TSHZ2: variants seen among roughly 807,000 people sequenced by gnomAD.
TSHZ2 encodes the protein teashirt zinc finger homeobox 2, also known as teashirt homolog 2.
In TSHZ2, 21 loss-of-function variants were observed where a neutral mutation model predicts 74.4. The ratio of observed to expected loss-of-function variants is 0.28; its 90% confidence interval spans 0.20 to 0.41. TSHZ2 has a LOEUF of 0.41. Among genes scored for constraint, TSHZ2 ranks in the 10% least tolerant of loss-of-function variants. The pLI is 1.00. For synonymous variants in TSHZ2, 540 were observed against 515.3 expected, an observed-to-expected ratio of 1.05 and a Z score of -0.65; for missense variants, 1,244 against 1,293.5, an observed-to-expected ratio of 0.96 and a Z score of 0.59.
chr20:53,372,942 A>G (rs193253996), intron 2 of TSHZ2, among the ~76,000 whole-genome samples: 1 of 152,336 alleles, frequency 6.6e-6, no homozygotes, highest in Admixed American at 6.5e-5. Flanking sequence ...AAGGACTTCA[A>G]GAAAACTGCC....
At chr20:53,422,157 A>G (rs1385558820) in intron 2 of TSHZ2, among the ~76,000 whole-genome samples, 1 of 152,174 alleles carries the variant, frequency 6.6e-6, no homozygotes, top group Non-Finnish European at 1.5e-5. Context: ...GGTTATGATT[A>G]TGAAATAATA....
At chr20:53,167,595 G>A (rs1988092909) in intron 1 of TSHZ2, among the ~76,000 whole-genome samples, 1 of 152,106 alleles carries the variant, frequency 6.6e-6, no homozygotes, top group African/African-American at 2.4e-5. Context: ...TTGTGTGTGT[G>A]TATGTGTGTG....
At chr20:53,414,320 A>T (rs535972837) in intron 2 of TSHZ2, among the ~76,000 whole-genome samples, 1 of 151,960 alleles carries the variant, frequency 6.6e-6, no homozygotes, top group African/African-American at 2.4e-5. Flanking sequence ...CTTTTATTTA[A>T]AAGAATAAGC....
intron 1 of TSHZ2, among the ~76,000 whole-genome samples, chr20:52,991,189 C>T (rs932863907): frequency 7.0e-6 from 1 of 143,598 alleles, no homozygotes; most frequent in Admixed American, 7.1e-5. Flanking sequence ...AGTGTGAAAG[C>T]TTTTCTGATG....
chr20:53,204,520 T>C (rs1464531524), intron 1 of TSHZ2, among the ~76,000 whole-genome samples: 2 of 152,068 alleles, frequency 1.3e-5, no homozygotes, highest in Admixed American at 6.6e-5. Context: ...CATTCTTTAA[T>C]GTGACTACTG....
At chr20:53,310,056 T>A (rs1303758706) in intron 2 of TSHZ2, among the ~76,000 whole-genome samples, 1 of 152,238 alleles carries the variant, frequency 6.6e-6, no homozygotes, top group East Asian at 1.9e-4. Flanking sequence ...ATGTTTTTTC[T>A]CCACCTGGAA....
At chr20:53,344,304 T>G (rs6126814) in intron 2 of TSHZ2, among the ~76,000 whole-genome samples, 1 of 152,134 alleles carries the variant, frequency 6.6e-6, no homozygotes, top group Non-Finnish European at 1.5e-5. Flanking sequence ...TTTGCTTGTA[T>G]TTTCTCAATT....
rs2747396 is a variant in TSHZ2 at position 53,077,396 on chromosome 20, G to A, written c.40+104063G>A. Among the ~76,000 whole-genome samples the A allele has an allele frequency of 9.6e-5, 13 of 135,054 alleles. 1 individual carries two copies. Among genetic ancestry groups the A allele is most frequent in the Non-Finnish European group, 1.5e-4 (10 of 64,672 alleles). The allele number at this position is 135,054 out of a possible 152,430, so 88.6% of individuals were successfully genotyped here. ...ACTGCACTGCAGCCAGGATGACAGAGTAAGACTCTACCTCAAAAAAAAAAA... is the reference window on the plus strand; with the variant it reads ...ACTGCACTGCAGCCAGGATGACAGAATAAGACTCTACCTCAAAAAAAAAAA... On this transcript the variant is annotated intron_variant, in intron 1 of 2. Transcript: ENST00000371497.
intron 2 of TSHZ2, among the ~76,000 whole-genome samples, chr20:53,356,955 ATGTG>A (rs1237378778): frequency 6.6e-6 from 1 of 151,976 alleles, no homozygotes; most frequent in Admixed American, 6.6e-5. Context: ...GTGTGTGTGA[ATGTG>A]TGTGTGCGCA....
At chr20:53,234,967 T>C (rs1336963391) in intron 1 of TSHZ2, among the ~76,000 whole-genome samples, 1 of 151,950 alleles carries the variant, frequency 6.6e-6, no homozygotes, top group Non-Finnish European at 1.5e-5. Flanking sequence ...GCCACAAGGA[T>C]GGGATCAATT....
intron 2 of TSHZ2, among the ~76,000 whole-genome samples, chr20:53,323,252 G>C (rs1355931169): frequency 6.6e-6 from 1 of 152,200 alleles, no homozygotes; most frequent in Non-Finnish European, 1.5e-5. Flanking sequence ...CTGAGAGCCA[G>C]AGGCTGGCAC....
chr20:53,243,822 C>CTTTTTTTTTTTTTTT (rs5841936), intron 1 of TSHZ2, among the ~76,000 whole-genome samples: 1 of 145,700 alleles, frequency 6.9e-6, no homozygotes, highest in Non-Finnish European at 1.5e-5. Context: ...TGCTTGCTTG[C>CTTTTTTTTTTTTTTT]TTTTTTTTTT....
chr20:53,451,591 C>T (rs1984786036), intron 2 of TSHZ2, among the ~76,000 whole-genome samples: 1 of 152,188 alleles, frequency 6.6e-6, no homozygotes, highest in South Asian at 2.1e-4. Context: ...TCCAACACTT[C>T]AGATCCTGCC....
At chr20:53,262,972 G>A (rs1264736580) in intron 2 of TSHZ2, among the ~76,000 whole-genome samples, 2 of 152,278 alleles carry the variant, frequency 1.3e-5, no homozygotes, top group South Asian at 2.1e-4. Flanking sequence ...AAGTTCTGGA[G>A]TATATGGAAA....
intron 2 of TSHZ2, among the ~76,000 whole-genome samples, chr20:53,328,124 C>T (rs1274207602): frequency 6.6e-6 from 1 of 152,088 alleles, no homozygotes; most frequent in Non-Finnish European, 1.5e-5. Context: ...ATGGTGCTCA[C>T]CCTTAGAGTC....
chr20:53,117,438 A>C (rs1429926744), intron 1 of TSHZ2, among the ~76,000 whole-genome samples: 2 of 152,244 alleles, frequency 1.3e-5, no homozygotes, highest in Non-Finnish European at 2.9e-5. Flanking sequence ...AAGAGACAAA[A>C]GTACCTGCCC....
intron 1 of TSHZ2, among the ~76,000 whole-genome samples, chr20:53,069,957 A>G (rs573162467): frequency 1.0e-3 from 157 of 152,286 alleles, no homozygotes; most frequent in African/African-American, 3.6e-3. Context: ...CTATCCATCT[A>G]TGTATTGTTT....
intron 2 of TSHZ2, among the ~76,000 whole-genome samples, chr20:53,287,547 G>A (rs1991192121): frequency 6.6e-6 from 1 of 152,220 alleles, no homozygotes; most frequent in Non-Finnish European, 1.5e-5. Flanking sequence ...ATCCCACAGA[G>A]TGAGCAGCTG....
chr20:53,122,797 T>C (rs536267877), intron 1 of TSHZ2, among the ~76,000 whole-genome samples: 2 of 152,274 alleles, frequency 1.3e-5, no homozygotes, highest in Non-Finnish European at 2.9e-5. Context: ...TTTCTCCTCC[T>C]CCCAGCCAAA....
Sources: allele counts gnomAD v4.1 joint callset (sites outside exome capture counted in the v4.1 genomes callset), GRCh38; gene constraint gnomAD v4.1.1; transcripts MANE v1.5; gene names NCBI Gene and HGNC (gene_info 2026-07-23, HGNC 2026-07-21).